Variants in EIF2AK3 observed in about 807,000 individuals in gnomAD.
EIF2AK3 encodes eukaryotic translation initiation factor 2-alpha kinase 3.
Under a neutral mutation model 113.5 loss-of-function variants are expected in EIF2AK3, and 50 were observed. That is an observed-to-expected ratio of 0.44 (90% confidence interval 0.35 to 0.56). The LOEUF (loss-of-function observed/expected upper bound fraction) is 0.56, where lower values mean the gene tolerates loss of function less well. Ranked by LOEUF, EIF2AK3 falls within the 20% of genes least tolerant of loss-of-function variation. The pLI, the probability that EIF2AK3 is intolerant of heterozygous loss-of-function variation, is 0.00. For missense variants in EIF2AK3, 1,185 were observed against 1,378.0 expected, an observed-to-expected ratio of 0.86 and a Z score of 2.22; for synonymous variants, 448 against 495.4, an observed-to-expected ratio of 0.90 and a Z score of 1.27.
intron 1 of EIF2AK3, among the ~76,000 whole-genome samples, chr2:88,625,895 A>T (rs1675845776): frequency 6.6e-6 from 1 of 152,198 alleles, no homozygotes; most frequent in Non-Finnish European, 1.5e-5. Context: ...GAATTTTAGT[A>T]CTTATCCTAT....
At position 88,562,397 on chromosome 2, in the gene EIF2AK3, TC is replaced by T; in HGVS notation, c.2986-8del. The T allele has an allele frequency of 1.2e-6, 2 of 1,609,466 alleles. No individual in the cohort carries two copies. The highest frequency in any genetic ancestry group is 1.7e-4 in the Middle Eastern group (1 of 6,044). On this transcript the variant is annotated splice_polypyrimidine_tract_variant and splice_region_variant and intron_variant, in intron 14 of 16. Transcript: ENST00000303236. ...AATAGCTGTTTCCATGAATCTGAAA[TC>T]CCACATAAAGAAAATTTAAAAATTA...
At chr2:88,589,446 A>AATT (rs1314815183) in intron 6 of EIF2AK3, among the ~76,000 whole-genome samples, 3 of 152,068 alleles carry the variant, frequency 2.0e-5, no homozygotes, top group African/African-American at 7.2e-5. Flanking sequence ...TATAATATTA[A>AATT]AGGCTTTCAA....
intron 9 of EIF2AK3, among the ~76,000 whole-genome samples, chr2:88,583,881 A>G (rs2104426046): frequency 6.7e-6 from 1 of 149,152 alleles, no homozygotes; most frequent in Non-Finnish European, 1.5e-5. Flanking sequence ...TTTTGACAAA[A>G]TAAGGTAGGG....
chr2:88,594,550 T>G (rs1477305403), intron 3 of EIF2AK3, among the ~76,000 whole-genome samples: 1 of 152,152 alleles, frequency 6.6e-6, no homozygotes, highest in Non-Finnish European at 1.5e-5. Context: ...AGACCCAATC[T>G]TAGAAGCAGA....
chr2:88,566,562 G>T (rs1373098876), intron 14 of EIF2AK3, among the ~76,000 whole-genome samples: 1 of 152,020 alleles, frequency 6.6e-6, no homozygotes. Context: ...AGGACGTGCA[G>T]GTCTGTTACA....
chr2:88,589,067 C>G (rs990401229), intron 6 of EIF2AK3, among the ~76,000 whole-genome samples, 166 bp from the exon 7 acceptor site: 73 of 152,122 alleles, frequency 4.8e-4, no homozygotes, highest in African/African-American at 1.7e-3. Flanking sequence ...GTTTATTCAA[C>G]AAAAACAGGG....
At chr2:88,575,470 G>T (rs1674434657) in intron 12 of EIF2AK3, 24 bp from the exon 13 acceptor site, 2 of 1,600,972 alleles carry the variant, frequency 1.2e-6, no homozygotes, top group South Asian at 2.2e-5. Context: ...AAATACAAAG[G>T]GGTAAGAGTG....
intron 3 of EIF2AK3, chr2:88,593,767 T>G (rs1674942420): frequency 2.6e-6 from 1 of 381,226 alleles, no homozygotes; most frequent in African/African-American, 2.2e-5. Context: ...ACCTTAGAGT[T>G]TCTGTATAAC....
intron 15 of EIF2AK3, among the ~76,000 whole-genome samples, chr2:88,561,179 T>C (rs1049227116): frequency 6.6e-6 from 1 of 152,008 alleles, no homozygotes; most frequent in East Asian, 1.9e-4. Context: ...GGTGTTGAAC[T>C]CTGGCCTCAA....
chr2:88,619,682 G>A (rs1320724159), intron 1 of EIF2AK3, among the ~76,000 whole-genome samples: 2 of 152,170 alleles, frequency 1.3e-5, no homozygotes, highest in East Asian at 1.9e-4. Context: ...GGCTGGGCAC[G>A]GTGACTCACC....
chr2:88,603,598 G>A (rs538071716), intron 2 of EIF2AK3, among the ~76,000 whole-genome samples: 36 of 152,316 alleles, frequency 2.4e-4, no homozygotes, highest in Non-Finnish European at 3.8e-4. Context: ...CTGAAGGAAA[G>A]CAGGATAATC....
chr2:88,557,274 C>T lies in EIF2AK3; in HGVS notation c.*462G>A, dbSNP rs906092514. On this transcript the variant is annotated 3_prime_UTR_variant, in exon 17 of 17. Coordinates refer to ENST00000303236, the MANE Select transcript of EIF2AK3 (RefSeq NM_004836.7). ...AAATAGTGCAGATTCCTAATTTACC[C>T]GCCAGGGACAAAAATGGAGTCAGCT... 4 of 178,384 alleles carry T rather than the reference C, an allele frequency of 2.2e-5. No individual in the cohort carries two copies. Among genetic ancestry groups the T allele is most frequent in the South Asian group, 1.3e-4 (1 of 7,922 alleles). The allele number at this position is 178,384 out of a possible 1,614,324, so 11.1% of individuals were successfully genotyped here. A position where few individuals can be genotyped will look rare whatever the true frequency, so the allele number is the denominator to read the frequency against.
chr2:88,608,810 T>C (rs10196205), intron 2 of EIF2AK3, among the ~76,000 whole-genome samples: 112,396 of 146,272 alleles, frequency 0.77, 43,650 homozygotes, highest in African/African-American at 0.87. Context: ...CAGGCCCAAG[T>C]GATCCTCCCA....
intron 2 of EIF2AK3, among the ~76,000 whole-genome samples, chr2:88,605,997 G>T (rs1241871524): frequency 2.6e-5 from 4 of 152,122 alleles, no homozygotes; most frequent in African/African-American, 9.7e-5. Flanking sequence ...CATCCCAAGT[G>T]ATATGCTATA....
intron 1 of EIF2AK3, among the ~76,000 whole-genome samples, chr2:88,622,993 G>A (rs1297868828): frequency 6.6e-6 from 1 of 152,172 alleles, no homozygotes; most frequent in Non-Finnish European, 1.5e-5. Flanking sequence ...AAGCACCAGA[G>A]ATTAATGTCA....
rs540479895 is a variant in EIF2AK3 at position 88,585,825 on chromosome 2, C to CATT, written c.1650+15_1650+16insAAT. On this transcript the variant is annotated intron_variant, in intron 9 of 16. Transcript: ENST00000303236. ...GGGGAAGTGGAAACCAGACAGTAAG[C>CATT]AACCATGATTCTTACCCTGTGAGGA... 1.3e-5 allele frequency: 21 copies of CATT among 1,609,004 alleles called. No homozygotes were observed. In the African/African-American group the frequency reaches 2.7e-4, roughly 20 times the overall value.
Position 88,562,278 on chromosome 2 carries a change from A to C in EIF2AK3, c.3087+11T>G. On this transcript the variant is annotated intron_variant, in intron 15 of 16. Coordinates refer to ENST00000303236, the MANE Select transcript of EIF2AK3 (RefSeq NM_004836.7). ...TTTGAAACTTTTTTTTTGAGTAGGG[A>C]GGGTACTTACCCTGACTCTCTCCAT... 4 of 1,604,930 alleles carry C rather than the reference A, an allele frequency of 2.5e-6. No individual in the cohort carries two copies. Among genetic ancestry groups the C allele is most frequent in the Non-Finnish European group, 3.4e-6 (4 of 1,171,790 alleles).
intron 16 of EIF2AK3, among the ~76,000 whole-genome samples, chr2:88,558,559 CA>C (rs1673848818): frequency 2.0e-5 from 3 of 152,086 alleles, no homozygotes; most frequent in African/African-American, 7.2e-5. Flanking sequence ...TTATAAAGTC[CA>C]TTTTTTAATG....
chr2:88,588,127 TTAATAA>T (rs954865257), intron 7 of EIF2AK3, 23 bp from the exon 8 acceptor site: 5 of 1,393,698 alleles, frequency 3.6e-6, no homozygotes, highest in Admixed American at 1.8e-5. Context: ...TATTATTTTC[TTAATAA>T]TAATATTTCT....
Sources: allele counts gnomAD v4.1 joint callset (sites outside exome capture counted in the v4.1 genomes callset), GRCh38; gene constraint gnomAD v4.1.1; transcripts MANE v1.5; gene names NCBI Gene and HGNC (gene_info 2026-07-23, HGNC 2026-07-21).